The following EDNRB variants were observed in gnomAD, a reference collection of about 807,000 sequenced individuals.
The protein encoded by EDNRB is Hirschsprung disease 2.
In EDNRB, 18 loss-of-function variants were observed where a neutral mutation model predicts 46.4. The observed-to-expected ratio is 0.39, with a 90% confidence interval of 0.27 to 0.57. The LOEUF (loss-of-function observed/expected upper bound fraction) is 0.57, where lower values mean the gene tolerates loss of function less well. EDNRB is among the 20% of genes least tolerant of loss of function. The probability of loss-of-function intolerance (pLI) is 0.61; values close to 1 mark genes in which losing one functional copy is unlikely to be tolerated. For synonymous variants in EDNRB, 213 were observed against 204.9 expected (o/e 1.04, Z -0.34); for missense variants, 434 against 537.5 (o/e 0.81, Z 1.90).
At chr13:77,903,072 T>G (rs1476128678) in intron 3 of EDNRB, 84 bp downstream of exon 3, 4 of 1,405,416 alleles carry the variant, frequency 2.8e-6, no homozygotes, top group Non-Finnish European at 4.0e-6. Flanking sequence ...ATCAACAGTT[T>G]CCCAAGGAGT....
chr13:77,949,049 T>A (rs1053579338), intron 1 of EDNRB, among the ~76,000 whole-genome samples: 3 of 152,242 alleles, frequency 2.0e-5, no homozygotes, highest in Non-Finnish European at 2.9e-5. Flanking sequence ...TTTAAATTGA[T>A]CACTGATTTT....
Position 77,900,585 on chromosome 13 carries a change from G to A in EDNRB, c.1021C>T (p.Leu341Phe). 1 of 1,612,700 alleles carries A rather than the reference G, an allele frequency of 6.2e-7. No individual in the cohort carries two copies. Among genetic ancestry groups the A allele is most frequent in the Non-Finnish European group, 8.5e-7 (1 of 1,179,170 alleles). The change falls in exon 5 of 7, where the codon CTC becomes TTC. Residue 341 changes from leucine (L) to phenylalanine (F), a missense_variant. Coordinates refer to ENST00000646607, the MANE Select transcript of EDNRB (RefSeq NM_001122659.3). ...VFALCWLPLHLSRILKLTLYN... is the reference protein window; with the variant it reads ...VFALCWLPLHFSRILKLTLYN... ...AGAGTGAGCTTCAGAATCCTGCTGAGGTGAAGGGGAAGCCAGCAGAGGGCA... is the reference window on the plus strand; with the variant it reads ...AGAGTGAGCTTCAGAATCCTGCTGAAGTGAAGGGGAAGCCAGCAGAGGGCA...
chr13:77,943,121 A>G (rs570466554), intron 1 of EDNRB, among the ~76,000 whole-genome samples: 29 of 152,236 alleles, frequency 1.9e-4, no homozygotes, highest in African/African-American at 6.5e-4. Context: ...CTCCTTCCAT[A>G]AAAGCTATTC....
chr13:77,929,540 T>C (rs1307145001), intron 1 of EDNRB, among the ~76,000 whole-genome samples: 3 of 152,208 alleles, frequency 2.0e-5, no homozygotes, highest in Non-Finnish European at 2.9e-5. Context: ...TCTGTCTATG[T>C]TAGAGCAATG....
At chr13:77,957,707 T>C (rs1191043974) in intron 1 of EDNRB, among the ~76,000 whole-genome samples, 1 of 152,230 alleles carries the variant, frequency 6.6e-6, no homozygotes, top group Non-Finnish European at 1.5e-5. Flanking sequence ...CTGGATGAAC[T>C]GCCTGCACGT....
rs957465951 is a variant in EDNRB, at chr13:77,903,671, C to G, written c.484-64G>C. 2.5e-5 allele frequency: 34 copies of G among 1,358,866 alleles called. No homozygotes were observed. In the Admixed American group the frequency reaches 5.8e-4, roughly 23 times the overall value. The allele number at this position is 1,358,866 out of a possible 1,614,324, so 84.2% of individuals were successfully genotyped here. ...ATAAGATGCCCTCTGAATTGTATCA[C>G]TTAGTGAAGAGTAATTAACATGCAG... On this transcript the variant is annotated intron_variant, in intron 1 of 6. Coordinates refer to ENST00000646607, the MANE Select transcript of EDNRB (RefSeq NM_001122659.3).
intron 1 of EDNRB, chr13:77,939,772 T>C (rs4242968): frequency 0.9 from 136,408 of 152,082 alleles, 61,242 homozygotes; most frequent in East Asian, 0.98. Flanking sequence ...CTGAGGTGGG[T>C]GGATCACAAG....
At chr13:77,973,625 C>T (rs1369840145) in intron 1 of EDNRB, among the ~76,000 whole-genome samples, 1 of 151,974 alleles carries the variant, frequency 6.6e-6, no homozygotes, top group East Asian at 1.9e-4. Context: ...TAAAACTTTA[C>T]ATTCTTATGC....
intron 1 of EDNRB, among the ~76,000 whole-genome samples, chr13:77,957,234 T>C (rs770489924): frequency 1.4e-4 from 22 of 152,216 alleles, no homozygotes; most frequent in Non-Finnish European, 2.8e-4. Flanking sequence ...TTAAGTATTA[T>C]CCACCAGCTG....
At chr13:77,933,559 G>A (rs1880465218) in intron 1 of EDNRB, among the ~76,000 whole-genome samples, 1 of 152,092 alleles carries the variant, frequency 6.6e-6, no homozygotes, top group Non-Finnish European at 1.5e-5. Flanking sequence ...GTTAAGGCAG[G>A]AACTGGCCAT....
intron 1 of EDNRB, among the ~76,000 whole-genome samples, chr13:77,969,360 A>C (rs1354185850): frequency 6.6e-6 from 1 of 152,222 alleles, no homozygotes; most frequent in African/African-American, 2.4e-5. Flanking sequence ...TAGAGTAAGG[A>C]AAGCAGCTGA....
At chr13:77,941,985 A>C (rs1215734363) in intron 1 of EDNRB, among the ~76,000 whole-genome samples, 3 of 152,212 alleles carry the variant, frequency 2.0e-5, no homozygotes, top group African/African-American at 7.2e-5. Flanking sequence ...ATTATTAACC[A>C]CTGCAACCAG....
In EDNRB at chr13:77,897,536, T is replaced by A. The variant is rs978755742; in HGVS notation, c.*664A>T. On this transcript the variant is annotated 3_prime_UTR_variant, in exon 7 of 7. Transcript: ENST00000646607. ...CAGTCTGTTACATGCTGCTTGTTTG[T>A]GACATGTTGGTTACATATTGCAGAA... is the stretch of plus-strand genomic sequence containing the variant. The A allele has an allele frequency of 2.0e-6, 2 of 983,626 alleles. No homozygotes were observed. Among genetic ancestry groups the A allele is most frequent in the African/African-American group, 3.5e-5 (2 of 57,188 alleles). The allele number at this position is 983,626 out of a possible 1,614,324, so 60.9% of individuals were successfully genotyped here.
At position 77,896,737 on chromosome 13, in the gene EDNRB, A is replaced by T; in HGVS notation, c.*1463T>A. On this transcript the variant is annotated 3_prime_UTR_variant, in exon 7 of 7. Coordinates refer to ENST00000646607, the MANE Select transcript of EDNRB (RefSeq NM_001122659.3). ...TGACGAACGTTAGGCTAAGAATGGG[A>T]ATCTGTCCCCATGGGTTTCCTCCAA... 7.2e-7 allele frequency: 1 copy of T among 1,382,328 alleles called. No homozygotes were observed. Among genetic ancestry groups the T allele is most frequent in the Non-Finnish European group, 9.3e-7 (1 of 1,072,178 alleles). The allele number at this position is 1,382,328 out of a possible 1,614,324, so 85.6% of individuals were successfully genotyped here.
intron 1 of EDNRB, among the ~76,000 whole-genome samples, chr13:77,932,775 C>T (rs888224289): frequency 2.6e-5 from 4 of 152,124 alleles, no homozygotes; most frequent in African/African-American, 9.7e-5. Context: ...TGGTGTTTGC[C>T]AAAGCCGTTT....
At position 77,918,638 on chromosome 13, in the gene EDNRB, G is replaced by C; in HGVS notation, c.-65C>G. On this transcript the variant is annotated 5_prime_UTR_variant, in exon 1 of 7. Coordinates refer to ENST00000646607, the MANE Select transcript of EDNRB (RefSeq NM_001122659.3). This position sits in a 1 kb window ranked among gnomAD's most constrained non-coding sequence, Gnocchi z 4.5. ...CAGTTTCAGAGCCTAGAGACAAGCAGAGGAAGGAAGACAGGACACTTGGGT... is the reference window on the plus strand; with the variant it reads ...CAGTTTCAGAGCCTAGAGACAAGCACAGGAAGGAAGACAGGACACTTGGGT... The C allele has an allele frequency of 1.3e-6, 2 of 1,520,754 alleles. No individual in the cohort carries two copies. Among genetic ancestry groups the C allele is most frequent in the Non-Finnish European group, 8.7e-7 (1 of 1,148,038 alleles). 94.2% of individuals were successfully genotyped at this position (1,520,754 alleles called of 1,614,324 possible).
intron 1 of EDNRB, among the ~76,000 whole-genome samples, chr13:77,941,535 G>C (rs9544643): frequency 6.6e-6 from 1 of 151,956 alleles, no homozygotes; most frequent in African/African-American, 2.4e-5. Flanking sequence ...AGTTCACAAG[G>C]TTCTTCTCTA....
intron 5 of EDNRB, 96 bp from the exon 6 acceptor site, chr13:77,900,063 A>T: frequency 1.0e-6 from 1 of 969,302 alleles, no homozygotes. Context: ...AAAAAATGCC[A>T]ATATACAATG....
Position 77,895,609 on chromosome 13 carries a change from A to C in EDNRB, c.*2591T>G, listed in dbSNP as rs1878579630. 6.6e-6 allele frequency: 1 copy of C among 152,042 alleles called. No homozygotes were observed. The highest frequency in any genetic ancestry group is 2.1e-4 in the South Asian group (1 of 4,818). The allele number at this position is 152,042 out of a possible 1,614,324, so 9.4% of individuals were successfully genotyped here. A position where few individuals can be genotyped will look rare whatever the true frequency, so the allele number is the denominator to read the frequency against. On this transcript the variant is annotated 3_prime_UTR_variant, in exon 7 of 7. Coordinates refer to ENST00000646607, the MANE Select transcript of EDNRB (RefSeq NM_001122659.3). ...TTAAACAATCAATTAGTATTTAATGAATTAGTGTCTGTACAGTGAAAAATA... is the reference window on the plus strand; with the variant it reads ...TTAAACAATCAATTAGTATTTAATGCATTAGTGTCTGTACAGTGAAAAATA...
Sources: allele counts gnomAD v4.1 joint callset (sites outside exome capture counted in the v4.1 genomes callset), GRCh38; gene constraint gnomAD v4.1.1; non-coding constraint Gnocchi (gnomAD v3.1); transcripts MANE v1.5; gene names NCBI Gene and HGNC (gene_info 2026-07-23, HGNC 2026-07-21).